Variants in ASIC2 observed in about 807,000 individuals in gnomAD.
ASIC2 encodes the protein acid-sensing ion channel 2.
A neutral mutation model predicts 57.3 loss-of-function variants in ASIC2; 25 were observed. That is an observed-to-expected ratio of 0.44 (90% CI 0.32 to 0.61). The LOEUF (loss-of-function observed/expected upper bound fraction) is 0.61. Ranked by LOEUF, ASIC2 falls within the 20% of genes least tolerant of loss-of-function variation. ASIC2 has a pLI of 0.06. For missense variants in ASIC2, 641 were observed against 738.1 expected, an observed-to-expected ratio of 0.87 and a Z score of 1.52; for synonymous variants, 319 against 307.5, an observed-to-expected ratio of 1.04 and a Z score of -0.39.
chr17:33,539,423 A>T (rs1449418844), intron 1 of ASIC2, among the ~76,000 whole-genome samples: 1 of 152,214 alleles, frequency 6.6e-6, no homozygotes, highest in Non-Finnish European at 1.5e-5. Context: ...TCAGGGCTCA[A>T]GGCTGGATTC....
intron 1 of ASIC2, among the ~76,000 whole-genome samples, chr17:33,233,957 G>A (rs1245399185): frequency 6.6e-6 from 1 of 152,214 alleles, no homozygotes; most frequent in East Asian, 1.9e-4. Flanking sequence ...ATTGTAAAAG[G>A]GAAAGTAGGT....
chr17:34,058,282 T>C (rs765892402), intron 1 of ASIC2, among the ~76,000 whole-genome samples: 5 of 152,212 alleles, frequency 3.3e-5, no homozygotes, highest in Non-Finnish European at 7.3e-5. Flanking sequence ...TGATACTGAA[T>C]GACATAAGCC....
chr17:33,821,974 T>G (rs1232139199), intron 1 of ASIC2, among the ~76,000 whole-genome samples: 1 of 152,164 alleles, frequency 6.6e-6, no homozygotes, highest in Non-Finnish European at 1.5e-5. Context: ...ATTGTGGGGA[T>G]GCAGCATGTG....
At chr17:34,135,164 C>T (rs1202150738) in intron 1 of ASIC2, among the ~76,000 whole-genome samples, 2 of 152,198 alleles carry the variant, frequency 1.3e-5, no homozygotes, top group African/African-American at 4.8e-5. Flanking sequence ...AACTTCACAA[C>T]TTCTCTGAGT....
intron 1 of ASIC2, among the ~76,000 whole-genome samples, chr17:33,549,316 C>A (rs2050908425): frequency 6.6e-6 from 1 of 152,098 alleles, no homozygotes; most frequent in South Asian, 2.1e-4. Flanking sequence ...GTTTTAGGAA[C>A]CCCCTACTGG....
In ASIC2 at chr17:33,673,172, G is replaced by A. The variant is rs147359944; in HGVS notation, c.555+482806C>T. 1.3e-4 allele frequency among the ~76,000 whole-genome samples: 20 copies of A among 152,242 alleles called. No individual in the cohort carries two copies. The East Asian group carries it at 2.9e-3, about 22-fold the overall frequency. ...GCAGGTGCAGGGGAGTGCAGGAGGC[G>A]GTGAAGGTTGAAGGGAGAGAAACTG... On this transcript the variant is annotated intron_variant, in intron 1 of 9. Coordinates refer to the ASIC2 transcript ENST00000359872.
In ASIC2 at chr17:33,228,689, T is replaced by C. The variant is rs184790611; in HGVS notation, c.708+62719A>G. 3.3e-5 allele frequency among the ~76,000 whole-genome samples: 5 copies of C among 152,374 alleles called. No individual in the cohort carries two copies. In the East Asian group the frequency reaches 9.6e-4, roughly 29 times the overall value. On this transcript the variant is annotated intron_variant, in intron 1 of 9. Transcript: ENST00000225823. Reference sequence around the variant, plus strand: ...CAACTCAGCCAGGCTGCGTCACGTGTGAATGAGCTGGAGTCAAATGTTGAC... The same window carrying C: ...CAACTCAGCCAGGCTGCGTCACGTGCGAATGAGCTGGAGTCAAATGTTGAC...
At chr17:33,493,732 C>T (rs1397496035) in intron 1 of ASIC2, among the ~76,000 whole-genome samples, 1 of 152,132 alleles carries the variant, frequency 6.6e-6, no homozygotes, top group African/African-American at 2.4e-5. Flanking sequence ...CATCCTTCCC[C>T]CAAGATAGCA....
chr17:33,382,969 C>A (rs1909541708), intron 1 of ASIC2, among the ~76,000 whole-genome samples: 1 of 152,120 alleles, frequency 6.6e-6, no homozygotes. Context: ...CAAGATCTTT[C>A]TCCTGTCTTC....
chr17:33,530,576 G>A (rs754987123), intron 1 of ASIC2, among the ~76,000 whole-genome samples: 1 of 152,224 alleles, frequency 6.6e-6, no homozygotes, highest in African/African-American at 2.4e-5. Flanking sequence ...CTTTGCTCAG[G>A]TCAGGGGCTC....
At chr17:33,645,847 A>G (rs1906722507) in intron 1 of ASIC2, among the ~76,000 whole-genome samples, 1 of 152,152 alleles carries the variant, frequency 6.6e-6, no homozygotes, top group Non-Finnish European at 1.5e-5. Flanking sequence ...ATGCCAATGA[A>G]TTGGGCAATT....
At chr17:33,543,979 G>A (rs992491163) in intron 1 of ASIC2, among the ~76,000 whole-genome samples, 4 of 152,198 alleles carry the variant, frequency 2.6e-5, no homozygotes. Context: ...AGTAAAGCTA[G>A]AGAACCTTTC....
chr17:33,042,039 T>C (rs7225507), intron 3 of ASIC2, among the ~76,000 whole-genome samples: 1 of 152,320 alleles, frequency 6.6e-6, no homozygotes, highest in African/African-American at 2.4e-5. Context: ...GCCTGCTTTT[T>C]GAGCCATAAT....
intron 1 of ASIC2, among the ~76,000 whole-genome samples, chr17:33,125,115 C>A (rs2092318168): frequency 6.6e-6 from 1 of 152,220 alleles, no homozygotes; most frequent in Non-Finnish European, 1.5e-5. Context: ...CAGTTCCCAA[C>A]AAGCTGGGTT....
At chr17:33,883,239 T>A (rs1367227909) in intron 1 of ASIC2, among the ~76,000 whole-genome samples, 2 of 152,064 alleles carry the variant, frequency 1.3e-5, no homozygotes, top group Non-Finnish European at 2.9e-5. Flanking sequence ...AAACTTAAAG[T>A]ATAATAATAA....
At chr17:33,353,582 T>C (rs897782863) in intron 1 of ASIC2, among the ~76,000 whole-genome samples, 1 of 152,112 alleles carries the variant, frequency 6.6e-6, no homozygotes, top group Non-Finnish European at 1.5e-5. Context: ...CAAGTGATCC[T>C]CCTACCTCAG....
chr17:33,396,089 G>A (rs1027022684), intron 1 of ASIC2, among the ~76,000 whole-genome samples: 4 of 152,146 alleles, frequency 2.6e-5, no homozygotes, highest in Admixed American at 6.5e-5. Context: ...AACAGACCTC[G>A]TCATAACCAG....
intron 1 of ASIC2, among the ~76,000 whole-genome samples, chr17:33,355,798 A>G (rs970070742): frequency 6.6e-6 from 1 of 152,150 alleles, no homozygotes; most frequent in African/African-American, 2.4e-5. Flanking sequence ...TTTTTTGCAT[A>G]CCTACTAATT....
chr17:33,592,652 G>A (rs1032984486), intron 1 of ASIC2, among the ~76,000 whole-genome samples: 8 of 152,228 alleles, frequency 5.3e-5, no homozygotes, highest in African/African-American at 1.7e-4. Context: ...AAGGATGGGT[G>A]TAGATAGGAC....
Sources: allele counts gnomAD v4.1 joint callset (sites outside exome capture counted in the v4.1 genomes callset), GRCh38; gene constraint gnomAD v4.1.1; transcripts MANE v1.5; gene names NCBI Gene and HGNC (gene_info 2026-07-23, HGNC 2026-07-21).